Variants in MAGI1 observed in about 807,000 individuals in gnomAD.
MAGI1 encodes the protein membrane-associated guanylate kinase, WW and PDZ domain-containing protein 1.
A neutral mutation model predicts 139.9 loss-of-function variants in MAGI1; 58 were observed. The observed-to-expected ratio is 0.41, with a 90% CI of 0.34 to 0.52. MAGI1 has a LOEUF of 0.52. MAGI1 is among the 20% of genes least tolerant of loss of function. MAGI1 has a pLI of 0.12. For missense variants in MAGI1, 1,874 were observed against 1,901.6 expected (o/e 0.99, Z 0.27); for synonymous variants, 812 against 737.9 (o/e 1.10, Z -1.63).
chr3:65,429,943 T>C lies in MAGI1; in HGVS notation c.1744A>G (p.Ile582Val). Residue 582 changes from isoleucine to valine, a missense_variant, in exon 12 of 23, where the codon ATT (isoleucine) becomes GTT (valine). By Grantham distance (29) the Ile-to-Val change is conservative. Around this residue, in one of 5 missense-constraint regions of MAGI1, gnomAD observed 86 missense variants for 130.0 expected, o/e 0.66. Coordinates refer to ENST00000402939, the MANE Select transcript of MAGI1 (RefSeq NM_001033057.2). ...SVAILDKEPI[I>V]VNGQETYDSP... ...TCATAGGTCTCTTGCCCATTCACAA[T>C]AATTGGTTCTTTATCCAAAATGGCT... 1 of 1,614,022 alleles carries C rather than the reference T, an allele frequency of 6.2e-7. No homozygotes were observed. The highest frequency in any genetic ancestry group is 8.5e-7 in the Non-Finnish European group (1 of 1,179,952).
At chr3:65,685,205 T>C (rs1367521611) in intron 1 of MAGI1, among the ~76,000 whole-genome samples, 2 of 151,990 alleles carry the variant, frequency 1.3e-5, no homozygotes, top group African/African-American at 4.8e-5. Flanking sequence ...ATTAGTATCA[T>C]TAAGATGCAT....
chr3:65,989,932 G>C (rs2066079948), intron 1 of MAGI1, among the ~76,000 whole-genome samples: 1 of 152,138 alleles, frequency 6.6e-6, no homozygotes, highest in South Asian at 2.1e-4. Context: ...TGATTTTACA[G>C]TTTTTACAGA....
chr3:65,542,053 G>T (rs990463567), intron 2 of MAGI1, among the ~76,000 whole-genome samples: 2 of 152,166 alleles, frequency 1.3e-5, no homozygotes, highest in Non-Finnish European at 2.9e-5. Context: ...TCCTTAAGCT[G>T]ATAAGCAACT....
chr3:65,820,866 A>T (rs1240160313), intron 1 of MAGI1, among the ~76,000 whole-genome samples: 2 of 152,150 alleles, frequency 1.3e-5, no homozygotes, highest in African/African-American at 4.8e-5. Context: ...GGCCACAGGA[A>T]AGAAGGTGGT....
At chr3:65,604,778 A>G (rs1026716542) in intron 2 of MAGI1, among the ~76,000 whole-genome samples, 7 of 152,192 alleles carry the variant, frequency 4.6e-5, no homozygotes, top group Middle Eastern at 3.2e-3. Flanking sequence ...TTATTAGTCA[A>G]CTGGAAAATC....
intron 2 of MAGI1, among the ~76,000 whole-genome samples, chr3:65,537,201 C>A (rs1266143150): frequency 6.6e-6 from 1 of 152,126 alleles, no homozygotes; most frequent in Non-Finnish European, 1.5e-5. Flanking sequence ...GTGAATAGAT[C>A]AAACACATTT....
At chr3:65,561,538 G>A (rs976274255) in intron 2 of MAGI1, among the ~76,000 whole-genome samples, 2 of 152,152 alleles carry the variant, frequency 1.3e-5, no homozygotes, top group Non-Finnish European at 2.9e-5. Flanking sequence ...TGAACACCCT[G>A]AAAATACAAG....
rs187598494 is a variant in MAGI1 at position 65,485,202 on chromosome 3, T to A, written c.551-6404A>T. Among the ~76,000 whole-genome samples the A allele has an allele frequency of 2.0e-5, 3 of 152,350 alleles. No individual in the cohort carries two copies. In the East Asian group the frequency reaches 5.8e-4, roughly 29 times the overall value. The stretch of plus-strand genomic sequence containing the variant: ...ATCTGCATCACTTCACTTTGCTACT[T>A]GCTTGCTCAGCACATGATAGTTCCT... On this transcript the variant is annotated intron_variant, in intron 3 of 22. Transcript: ENST00000402939.
intron 1 of MAGI1, among the ~76,000 whole-genome samples, chr3:65,984,270 C>T (rs184975221): frequency 1.2e-4 from 19 of 152,114 alleles, no homozygotes; most frequent in Admixed American, 1.1e-3. Flanking sequence ...CTCCAGCCTG[C>T]GTGACAGAGT....
At chr3:65,587,156 A>C (rs972471194) in intron 2 of MAGI1, among the ~76,000 whole-genome samples, 2 of 152,156 alleles carry the variant, frequency 1.3e-5, no homozygotes, top group Non-Finnish European at 2.9e-5. Flanking sequence ...TCTTAATGCC[A>C]TTGGGATACA....
At chr3:65,768,562 C>G (rs2107925010) in intron 1 of MAGI1, among the ~76,000 whole-genome samples, 1 of 152,288 alleles carries the variant, frequency 6.6e-6, no homozygotes, top group African/African-American at 2.4e-5. Flanking sequence ...CTATTGAAAT[C>G]AAATAGCAGA....
At chr3:66,006,673 C>T (rs1271400944) in intron 1 of MAGI1, among the ~76,000 whole-genome samples, 1 of 152,088 alleles carries the variant, frequency 6.6e-6, no homozygotes, top group Non-Finnish European at 1.5e-5. Flanking sequence ...ATAATACTGT[C>T]GTTTAAAGAA....
chr3:65,953,033 T>G (rs781666356), intron 1 of MAGI1, among the ~76,000 whole-genome samples: 1 of 152,218 alleles, frequency 6.6e-6, no homozygotes, highest in East Asian at 1.9e-4. Context: ...ATGAGACAAC[T>G]GAGGCTCAGG....
At chr3:65,854,552 C>A (rs1233808859) in intron 1 of MAGI1, among the ~76,000 whole-genome samples, 1 of 152,188 alleles carries the variant, frequency 6.6e-6, no homozygotes, top group Non-Finnish European at 1.5e-5. Flanking sequence ...TAAACAGCCA[C>A]CTTTTCTGAA....
At chr3:65,401,386 C>A in intron 13 of MAGI1, 53 bp downstream of exon 13, 2 of 1,527,344 alleles carry the variant, frequency 1.3e-6, no homozygotes, top group South Asian at 1.2e-5. Context: ...ACCTCCAGCC[C>A]CCCACCATCC....
intron 1 of MAGI1, among the ~76,000 whole-genome samples, chr3:65,789,927 C>T (rs932304996): frequency 7.9e-5 from 12 of 152,198 alleles, no homozygotes; most frequent in Admixed American, 5.2e-4. Context: ...AAACAAAAAT[C>T]TCATAGTCCA....
chr3:65,689,262 A>G (rs2088354502), intron 1 of MAGI1, among the ~76,000 whole-genome samples: 1 of 152,206 alleles, frequency 6.6e-6, no homozygotes, highest in Non-Finnish European at 1.5e-5. Flanking sequence ...TTATCAAAGT[A>G]AGTTCTGTTT....
intron 1 of MAGI1, among the ~76,000 whole-genome samples, chr3:65,644,543 G>C (rs193229953): frequency 6.1e-4 from 93 of 151,972 alleles, no homozygotes; most frequent in African/African-American, 2.0e-3. Flanking sequence ...CTGAGTGACA[G>C]AGTAAGCCCT....
chr3:65,363,650 T>C, intron 20 of MAGI1, 42 bp from the exon 21 acceptor site: 1 of 1,574,486 alleles, frequency 6.4e-7, no homozygotes, highest in Middle Eastern at 2.1e-4. Context: ...GGAGAACTAA[T>C]ATCCATAGGA....
Sources: allele counts gnomAD v4.1 joint callset (sites outside exome capture counted in the v4.1 genomes callset), GRCh38; gene constraint gnomAD v4.1.1; regional missense constraint gnomAD v4.1.1; transcripts MANE v1.5; gene names NCBI Gene and HGNC (gene_info 2026-07-23, HGNC 2026-07-21).